Variants in THBS4 observed in about 807,000 individuals in gnomAD.
The protein encoded by THBS4 is thrombospondin 4, also known as thrombospondin-4.
THBS4 carries 90 observed loss-of-function variants against 115.7 expected under a neutral mutation model. The observed-to-expected ratio is 0.78, with a 90% CI of 0.66 to 0.93. The LOEUF is 0.93. THBS4 is among the 40% of genes least tolerant of loss of function. The pLI is 0.00. For missense variants in THBS4, 1,087 were observed against 1,232.7 expected (o/e 0.88, Z 1.77); for synonymous variants, 460 against 479.3 (o/e 0.96, Z 0.53).
intron 17 of THBS4, 60 bp from the exon 18 acceptor site, chr5:80,078,861 T>C (rs1743348145): frequency 6.4e-7 from 1 of 1,552,210 alleles, no homozygotes; most frequent in Non-Finnish European, 8.8e-7. Flanking sequence ...GGTTTTGAGC[T>C]TCCTTAAGGT....
chr5:80,078,257 G>A (rs774688465), intron 17 of THBS4, 30 bp downstream of exon 17: 3 of 1,534,272 alleles, frequency 2.0e-6, no homozygotes, highest in Non-Finnish European at 2.7e-6. Context: ...CAATGGCTCA[G>A]CCTTGCCTCT....
rs1346623567 is a variant in THBS4 at position 80,077,047 on chromosome 5, C to T, written c.2085C>T (p.Asn695=). Residue 695 remains asparagine, a splice_region_variant and synonymous_variant, in exon 16 of 22, where the codon AAC becomes AAT. Transcript: ENST00000350881. The part of the protein sequence containing the change: ...LVPNPAQEDS[N]SDGVGDICES... ...CCAACCCAGCCCAGGAGGATAGCAA[C>T]AGTAAGCAGGCTCAGCCCAGAGCTG... The T allele has an allele frequency of 3.1e-6, 5 of 1,599,116 alleles. No individual in the cohort carries two copies. In the South Asian group the frequency reaches 4.5e-5, roughly 14 times the overall value.
chr5:80,026,896 T>A (rs1374307019), intron 2 of THBS4, among the ~76,000 whole-genome samples: 1 of 152,182 alleles, frequency 6.6e-6, no homozygotes, highest in Non-Finnish European at 1.5e-5. Flanking sequence ...TTCCCCACAC[T>A]CTCATTCCCA....
chr5:80,066,231 G>A (rs1424944324), intron 9 of THBS4: 3 of 152,044 alleles, frequency 2.0e-5, no homozygotes, highest in African/African-American at 7.3e-5. Flanking sequence ...CTGTGTCCAA[G>A]ATGAGAGATG....
intron 2 of THBS4, among the ~76,000 whole-genome samples, chr5:80,044,260 G>A (rs905219228): frequency 6.6e-6 from 1 of 152,148 alleles, no homozygotes; most frequent in African/African-American, 2.4e-5. Flanking sequence ...TGCATCTGCT[G>A]CAGCACCTAG....
Position 80,082,424 on chromosome 5 carries a change from C to A in THBS4, c.2703C>A (p.Gly901=). Residue 901 remains glycine, a synonymous_variant, in exon 21 of 22, where the codon GGC becomes GGA. Transcript: ENST00000350881. ...TCCGCAGGGTACGATTTTATGAAGG[C>A]TCTGAGTTGGTGGCTGACTCTGGCG... ...VGYIRVRFYE[G]SELVADSGVT... is the part of the protein sequence containing the mutation. The A allele has an allele frequency of 6.2e-7, 1 of 1,614,130 alleles. No individual in the cohort carries two copies. The highest frequency in any genetic ancestry group is 8.5e-7 in the Non-Finnish European group (1 of 1,179,982).
At chr5:79,998,685 A>G (rs1831844532) in intron 2 of THBS4, among the ~76,000 whole-genome samples, 1 of 152,198 alleles carries the variant, frequency 6.6e-6, no homozygotes, top group Non-Finnish European at 1.5e-5. Context: ...CATTTATTTT[A>G]CAACTTCCTG....
rs541422494 is a variant in THBS4 at position 80,040,213 on chromosome 5, C to T, written c.225C>T (p.Phe75=). 2.8e-5 allele frequency: 45 copies of T among 1,614,110 alleles called. No individual in the cohort carries two copies. The Middle Eastern group carries it at 6.6e-4, about 24-fold the overall frequency. The change falls in exon 2 of 22, where the codon TTC becomes TTT. Residue 75 remains phenylalanine (F), a synonymous_variant. Coordinates refer to ENST00000350881, the MANE Select transcript of THBS4 (RefSeq NM_003248.6). ...KLQTKSSATI[F]GLYSSTDNSK... is the part of the protein sequence containing the mutation. The stretch of plus-strand genomic sequence containing the variant: ...AGACTAAAAGTTCAGCCACCATCTT[C>T]GGTCTTTACTCTTCAACTGACAACA...
intron 2 of THBS4, among the ~76,000 whole-genome samples, chr5:80,009,530 G>A (rs1393692017): frequency 6.6e-6 from 1 of 152,132 alleles, no homozygotes; most frequent in Non-Finnish European, 1.5e-5. Context: ...CTTCGGTTGT[G>A]TAGTGAGAGT....
rs144549871 is a variant in THBS4, at chr5:80,001,244, G to A, written n.177+2817G>A. Among the ~76,000 whole-genome samples the A allele has an allele frequency of 5.4e-3, 809 of 150,518 alleles. 6 individuals are homozygous for A. The highest frequency in any genetic ancestry group is 0.019 in the African/African-American group (774 of 40,882). ...CTGTCAATATATCTTTTCTTTGCAC[G>A]TACTACATATTTGTTGCCGTGTTTT... On this transcript the variant is annotated intron_variant and non_coding_transcript_variant, in intron 2 of 3. Coordinates refer to the THBS4 transcript ENST00000510218.
At chr5:79,992,754 T>C (rs796547808) in intron 1 of THBS4, among the ~76,000 whole-genome samples, 3 of 152,336 alleles carry the variant, frequency 2.0e-5, no homozygotes, top group African/African-American at 7.2e-5. Flanking sequence ...ACAAGTCAGA[T>C]AATCACGAGT....
intron 13 of THBS4, 73 bp from the exon 14 acceptor site, chr5:80,072,205 C>G: frequency 7.3e-7 from 1 of 1,370,010 alleles, no homozygotes; most frequent in Non-Finnish European, 1.0e-6. Context: ...ACTCACCATG[C>G]GCCTGATCTC....
chr5:80,082,626 C>A, intron 21 of THBS4, 81 bp downstream of exon 21: 2 of 1,557,472 alleles, frequency 1.3e-6, no homozygotes, highest in South Asian at 1.2e-5. Context: ...ACCGCACTTC[C>A]CCCCCAAAAG....
At chr5:80,057,698 G>GA (rs913028636) in intron 3 of THBS4, among the ~76,000 whole-genome samples, 25 of 152,134 alleles carry the variant, frequency 1.6e-4, no homozygotes, top group Non-Finnish European at 2.8e-4. Context: ...GACTAACAAT[G>GA]AATAATATCA....
intron 1 of THBS4, among the ~76,000 whole-genome samples, chr5:79,996,204 G>C: frequency 6.6e-6 from 1 of 152,212 alleles, no homozygotes; most frequent in East Asian, 1.9e-4. Flanking sequence ...GTAAATGGGA[G>C]CATTGCTGAC....
At chr5:80,059,653 G>A (rs1833557904) in intron 6 of THBS4, 50 bp from the exon 7 acceptor site, 2 of 1,606,856 alleles carry the variant, frequency 1.2e-6, no homozygotes, top group Non-Finnish European at 1.7e-6. Context: ...TTTGCCTTCT[G>A]TATATCTTCC....
Position 80,059,802 on chromosome 5 carries a change from G to A in THBS4, c.884G>A (p.Cys295Tyr). The stretch of plus-strand genomic sequence containing the variant: ...CCTCGTCGGTGTGACTCCAACCCAT[G>A]TTTCCGAGGTGTCCAATGTACCGAC... ...RPPRRCDSNP[C>Y]FRGVQCTDSR... is the part of the protein sequence containing the mutation. Residue 295 changes from cysteine to tyrosine, a missense_variant, in exon 7 of 22, where the codon TGT (cysteine) becomes TAT (tyrosine). Physicochemically the swap from Cys to Tyr is radical, Grantham distance 194. Around this residue, in one of 3 missense-constraint regions of THBS4, gnomAD observed 979 missense variants for 1,103.7 expected, o/e 0.89. Transcript: ENST00000350881. 1 of 1,614,182 alleles carries A rather than the reference G, an allele frequency of 6.2e-7. No homozygotes were observed. The highest frequency in any genetic ancestry group is 2.2e-5 in the East Asian group (1 of 44,882).
At chr5:79,993,492 A>G (rs1831729835) in intron 1 of THBS4, among the ~76,000 whole-genome samples, 1 of 152,232 alleles carries the variant, frequency 6.6e-6, no homozygotes, top group African/African-American at 2.4e-5. Context: ...GTTCATCTAA[A>G]TCATAACTTC....
In THBS4 at chr5:80,073,868, GATCT is replaced by G. The variant is rs1396841802; in HGVS notation, c.1892+544_1892+547del. 1.1e-4 allele frequency among the ~76,000 whole-genome samples: 16 copies of G among 152,284 alleles called. No homozygotes were observed. The East Asian group carries it at 3.1e-3, about 29-fold the overall frequency. ...GGTTACTAGGCACTCCAGCAAGTGA[GATCT>G]ATTTCAGGAGAGGTAATATAGCATC... On this transcript the variant is annotated intron_variant, in intron 15 of 21. Transcript: ENST00000350881.
Sources: allele counts gnomAD v4.1 joint callset (sites outside exome capture counted in the v4.1 genomes callset), GRCh38; gene constraint gnomAD v4.1.1; regional missense constraint gnomAD v4.1.1; transcripts MANE v1.5; gene names NCBI Gene and HGNC (gene_info 2026-07-23, HGNC 2026-07-21).